The following LGSN variants were observed in gnomAD, a reference collection of about 807,000 sequenced individuals.
LGSN encodes the protein lengsin.
Under a neutral mutation model 19.5 loss-of-function variants are expected in LGSN, and 21 were observed. The observed-to-expected ratio is 1.07, with a 90% CI of 0.76 to 1.55. LGSN has a LOEUF of 1.55. Among genes scored for constraint, LGSN ranks in the 40% most tolerant of loss-of-function variants. The pLI is 0.00. For missense variants in LGSN, 673 were observed against 608.5 expected (o/e 1.11, Z -1.12); for synonymous variants, 257 against 215.6 (o/e 1.19, Z -1.68).
the LGSN span, among the ~76,000 whole-genome samples, chr6:63,425,854 T>C: frequency 6.6e-6 from 1 of 152,112 alleles, no homozygotes; most frequent in Non-Finnish European, 1.5e-5. Context: ...TTGACTATAT[T>C]AATTCCAATA....
At chr6:63,385,226 A>T in the LGSN span, among the ~76,000 whole-genome samples, 10 of 152,368 alleles carry the variant, frequency 6.6e-5, no homozygotes, top group Admixed American at 4.6e-4. Flanking sequence ...ATATCTGATT[A>T]TGAAGATGGG....
At chr6:63,421,136 G>A in the LGSN span, among the ~76,000 whole-genome samples, 3 of 152,058 alleles carry the variant, frequency 2.0e-5, no homozygotes, top group African/African-American at 7.3e-5. Flanking sequence ...AAATTATTCA[G>A]TCTGGCCAGG....
At chr6:63,481,299 C>T in the LGSN span, among the ~76,000 whole-genome samples, 1 of 151,764 alleles carries the variant, frequency 6.6e-6, no homozygotes. Flanking sequence ...TCAGAATTCA[C>T]AACTATCTAA....
chr6:63,570,872 A>G, the LGSN span: 1 of 152,200 alleles, frequency 6.6e-6, no homozygotes, highest in Non-Finnish European at 1.5e-5. Context: ...TTGCCATATA[A>G]AAGTTTTTAG....
intron 2 of LGSN, among the ~76,000 whole-genome samples, chr6:63,289,733 C>T (rs991047781): frequency 4.6e-5 from 7 of 151,942 alleles, no homozygotes; most frequent in Non-Finnish European, 7.4e-5. Flanking sequence ...AGAGAGCAAG[C>T]CATGGTCACA....
the LGSN span, among the ~76,000 whole-genome samples, chr6:63,509,386 T>C: frequency 5.5e-5 from 2 of 36,332 alleles, no homozygotes; most frequent in Non-Finnish European, 9.2e-5. Flanking sequence ...TTTTTAAGGA[T>C]TTTTTTTAAT....
At chr6:63,343,866 GC>G in the LGSN span, among the ~76,000 whole-genome samples, 5 of 152,156 alleles carry the variant, frequency 3.3e-5, no homozygotes, top group Non-Finnish European at 7.4e-5. Flanking sequence ...GAGGTAGGAA[GC>G]CACTAGGATT....
At chr6:63,396,290 G>A in the LGSN span, 1 of 201,418 alleles carries the variant, frequency 5.0e-6, no homozygotes, top group South Asian at 8.1e-5. Flanking sequence ...TGAATCAGCT[G>A]TCTAGGTCCC....
At chr6:63,567,906 A>G in the LGSN span, among the ~76,000 whole-genome samples, 1 of 152,162 alleles carries the variant, frequency 6.6e-6, no homozygotes, top group Non-Finnish European at 1.5e-5. Context: ...TATGTTAGGG[A>G]GAGGGCTTCT....
the LGSN span, among the ~76,000 whole-genome samples, chr6:63,444,821 T>A: frequency 1.3e-5 from 2 of 152,158 alleles, no homozygotes; most frequent in African/African-American, 4.8e-5. Context: ...GAGCCTTTTT[T>A]CCCAGGCCCA....
the LGSN span, among the ~76,000 whole-genome samples, chr6:63,504,641 G>T: frequency 1.3e-5 from 2 of 151,956 alleles, no homozygotes; most frequent in Admixed American, 6.6e-5. Flanking sequence ...ACAGGGTTTT[G>T]CCACGTTGCT....
chr6:63,323,605 C>G (rs1053540105), upstream of LGSN, among the ~76,000 whole-genome samples: 1 of 145,826 alleles, frequency 6.9e-6, no homozygotes, highest in African/African-American at 2.6e-5. Context: ...CACACACACA[C>G]AGGTTATGTT....
chr6:63,296,770 A>G (rs1767991826), intron 1 of LGSN, among the ~76,000 whole-genome samples: 1 of 152,120 alleles, frequency 6.6e-6, no homozygotes, highest in Non-Finnish European at 1.5e-5. Flanking sequence ...TTCTCATGGT[A>G]CCCCTTAAGT....
chr6:63,303,077 G>A (rs1012052188), intron 1 of LGSN, among the ~76,000 whole-genome samples: 32 of 152,096 alleles, frequency 2.1e-4, no homozygotes, highest in African/African-American at 5.8e-4. Context: ...GAAGTGAGCC[G>A]AGATTGCATC....
the LGSN span, among the ~76,000 whole-genome samples, chr6:63,522,386 A>G: frequency 1.3e-5 from 2 of 152,228 alleles, no homozygotes; most frequent in Non-Finnish European, 2.9e-5. Context: ...CAGAAGATAA[A>G]CAATAAATAA....
At chr6:63,443,169 C>A in the LGSN span, among the ~76,000 whole-genome samples, 1 of 152,224 alleles carries the variant, frequency 6.6e-6, no homozygotes, top group African/African-American at 2.4e-5. Context: ...GGTGCCCCCT[C>A]CACAGCTACT....
the LGSN span, among the ~76,000 whole-genome samples, chr6:63,562,806 G>C: frequency 6.6e-6 from 1 of 152,108 alleles, no homozygotes; most frequent in South Asian, 2.1e-4. Flanking sequence ...CTTTCTCTAA[G>C]CATACTTTGA....
chr6:63,387,098 C>T, the LGSN span, among the ~76,000 whole-genome samples: 1 of 151,690 alleles, frequency 6.6e-6, no homozygotes, highest in African/African-American at 2.4e-5. Flanking sequence ...AAGACTCCGT[C>T]TCAAAAAAAA....
At chr6:63,449,537 C>T in the LGSN span, among the ~76,000 whole-genome samples, 1 of 149,256 alleles carries the variant, frequency 6.7e-6, no homozygotes, top group African/African-American at 2.5e-5. Context: ...GAGCGAGACT[C>T]CGTCAAAAAA....
Sources: allele counts gnomAD v4.1 joint callset (sites outside exome capture counted in the v4.1 genomes callset), GRCh38; gene constraint gnomAD v4.1.1; transcripts MANE v1.5; gene names NCBI Gene and HGNC (gene_info 2026-07-23, HGNC 2026-07-21).